The following ZNF385B variants were observed in gnomAD, a reference collection of about 807,000 sequenced individuals.
ZNF385B encodes the protein zinc finger protein 385B, also known as zinc finger protein 533.
A neutral mutation model predicts 39.2 loss-of-function variants in ZNF385B; 23 were observed. The observed-to-expected ratio is 0.59, with a 90% CI of 0.42 to 0.83. The LOEUF (loss-of-function observed/expected upper bound fraction) is 0.83, where lower values mean the gene tolerates loss of function less well. Ranked by LOEUF, ZNF385B falls within the 40% of genes least tolerant of loss-of-function variation. The pLI is 0.00. For missense variants in ZNF385B, 552 were observed against 598.9 expected (o/e 0.92, Z 0.82); for synonymous variants, 205 against 222.6 (o/e 0.92, Z 0.70).
At chr2:179,587,413 G>T (rs547240346) in intron 3 of ZNF385B, among the ~76,000 whole-genome samples, 4 of 151,184 alleles carry the variant, frequency 2.6e-5, no homozygotes, top group Non-Finnish European at 4.5e-5. Context: ...CTTTGGAATA[G>T]ATTACAATTT....
At chr2:179,605,933 A>G (rs1325404358) in intron 3 of ZNF385B, among the ~76,000 whole-genome samples, 1 of 152,168 alleles carries the variant, frequency 6.6e-6, no homozygotes, top group Non-Finnish European at 1.5e-5. Flanking sequence ...TAAGGTGAAC[A>G]TTAATATCTA....
At chr2:179,728,029 T>A (rs769143949) in intron 3 of ZNF385B, among the ~76,000 whole-genome samples, 5 of 152,122 alleles carry the variant, frequency 3.3e-5, no homozygotes, top group Non-Finnish European at 7.4e-5. Flanking sequence ...ATGCCCCGAC[T>A]CTTGAAACAA....
At chr2:179,673,612 C>T (rs1051121833) in intron 3 of ZNF385B, among the ~76,000 whole-genome samples, 9 of 152,096 alleles carry the variant, frequency 5.9e-5, no homozygotes, top group African/African-American at 1.9e-4. Context: ...CTACCTGTTG[C>T]CCCCCTTCCT....
intron 1 of ZNF385B, among the ~76,000 whole-genome samples, chr2:179,849,441 G>A (rs1259385004): frequency 6.6e-6 from 1 of 152,168 alleles, no homozygotes; most frequent in Non-Finnish European, 1.5e-5. Context: ...ATCTATTTGG[G>A]GAGATGAAGG....
chr2:179,525,805 C>T (rs560643647), intron 4 of ZNF385B, among the ~76,000 whole-genome samples: 1 of 152,166 alleles, frequency 6.6e-6, no homozygotes, highest in African/African-American at 2.4e-5. Context: ...TAAGTGATAG[C>T]TGTGTCGCTA....
chr2:179,706,691 G>A (rs1699626506), intron 3 of ZNF385B, among the ~76,000 whole-genome samples: 1 of 152,332 alleles, frequency 6.6e-6, no homozygotes, highest in Admixed American at 6.5e-5. Context: ...CTGAGCAAGG[G>A]TCAGATGCCT....
chr2:179,765,962 G>A (rs1415541742), intron 3 of ZNF385B, among the ~76,000 whole-genome samples: 3 of 151,452 alleles, frequency 2.0e-5, no homozygotes, highest in Non-Finnish European at 1.5e-5. Flanking sequence ...TTTGGCTAGG[G>A]AGACACTGCT....
intron 3 of ZNF385B, among the ~76,000 whole-genome samples, chr2:179,623,079 G>A (rs1410276503): frequency 6.6e-6 from 1 of 152,196 alleles, no homozygotes; most frequent in African/African-American, 2.4e-5. Context: ...AAGTTGTGAT[G>A]CACTTGAGGC....
rs146561920 is a variant in ZNF385B at position 179,704,982 on chromosome 2, T to G, written c.298+64521A>C. Among the ~76,000 whole-genome samples, 1,129 of 152,290 alleles carry G rather than the reference T, an allele frequency of 7.4e-3. 11 individuals are homozygous for G. The highest frequency in any genetic ancestry group is 0.025 in the African/African-American group (1,024 of 41,542). Reference sequence around the variant, plus strand: ...GAAGCACACCCTGCTATCTATTCTTTCCTGTATTCTCATACCTATACTGCT... The same window carrying G: ...GAAGCACACCCTGCTATCTATTCTTGCCTGTATTCTCATACCTATACTGCT... On this transcript the variant is annotated intron_variant, in intron 3 of 9. Coordinates refer to ENST00000410066, the MANE Select transcript of ZNF385B (RefSeq NM_152520.6).
intron 5 of ZNF385B, among the ~76,000 whole-genome samples, chr2:179,511,085 G>T (rs1393305453): frequency 6.6e-6 from 1 of 152,200 alleles, no homozygotes; most frequent in Non-Finnish European, 1.5e-5. Context: ...CAGTTGATCT[G>T]ATTTCTCAGG....
At chr2:179,780,825 A>G (rs895393129) in intron 1 of ZNF385B, among the ~76,000 whole-genome samples, 30 of 152,236 alleles carry the variant, frequency 2.0e-4, no homozygotes, top group Non-Finnish European at 7.3e-5. Context: ...ACTTATTCCC[A>G]AAGACAACTG....
chr2:179,456,983 AAATAC>A (rs2050774918), intron 6 of ZNF385B, among the ~76,000 whole-genome samples: 1 of 152,142 alleles, frequency 6.6e-6, no homozygotes, highest in Non-Finnish European at 1.5e-5. Flanking sequence ...ACATTCACGT[AAATAC>A]AATACACCTG....
chr2:179,464,410 T>C (rs1293118135), intron 6 of ZNF385B, among the ~76,000 whole-genome samples: 31 of 152,242 alleles, frequency 2.0e-4, no homozygotes, highest in Non-Finnish European at 2.4e-4. Flanking sequence ...GTTTTAGACA[T>C]GAAGTCTTTG....
chr2:179,450,813 T>A (rs1160677554), intron 6 of ZNF385B, among the ~76,000 whole-genome samples: 1 of 151,984 alleles, frequency 6.6e-6, no homozygotes, highest in Non-Finnish European at 1.5e-5. Flanking sequence ...ATGTTTATTG[T>A]GGCACTATTC....
chr2:179,667,322 G>A lies in ZNF385B; in HGVS notation c.298+102181C>T, dbSNP rs150259396. Among the ~76,000 whole-genome samples the A allele has an allele frequency of 1.1e-4, 16 of 152,256 alleles. No homozygotes were observed. The East Asian group carries it at 3.1e-3, about 29-fold the overall frequency. ...ACAGTAGTAAACCAGGAAGACTTCT[G>A]AGTTTTTGTCACTAATATTCTGCAG... On this transcript the variant is annotated intron_variant, in intron 3 of 9. Transcript: ENST00000410066.
chr2:179,581,151 A>G (rs1447762694), intron 3 of ZNF385B, among the ~76,000 whole-genome samples: 4 of 152,200 alleles, frequency 2.6e-5, no homozygotes, highest in Admixed American at 2.6e-4. Flanking sequence ...AACTGAATCC[A>G]TGCAAAGAGT....
At chr2:179,535,115 G>A in intron 4 of ZNF385B, among the ~76,000 whole-genome samples, 1 of 152,158 alleles carries the variant, frequency 6.6e-6, no homozygotes, top group Non-Finnish European at 1.5e-5. Flanking sequence ...CCCCAGACAT[G>A]TGTTTTGAGA....
chr2:179,796,867 G>A (rs1027521428), intron 1 of ZNF385B, among the ~76,000 whole-genome samples: 1 of 152,162 alleles, frequency 6.6e-6, no homozygotes, highest in Non-Finnish European at 1.5e-5. Context: ...TCTACCAGCT[G>A]TGTCTTGGTT....
intron 3 of ZNF385B, among the ~76,000 whole-genome samples, chr2:179,761,504 G>A (rs1293385891): frequency 2.6e-5 from 4 of 151,890 alleles, no homozygotes; most frequent in Admixed American, 2.6e-4. Flanking sequence ...TTATTAGGAA[G>A]TGATTATAAA....
Sources: gnomAD v4.1 joint callset for allele counts (sites outside exome capture counted in the v4.1 genomes callset) on GRCh38, gnomAD v4.1.1 for gene constraint, MANE v1.5 for transcripts, NCBI Gene and HGNC (gene_info 2026-07-23, HGNC 2026-07-21) for gene names.